THSD4: variants seen among roughly 807,000 people sequenced by gnomAD.
THSD4 encodes the protein thrombospondin type 1 domain containing 4.
THSD4 carries 69 observed loss-of-function variants against 119.0 expected under a neutral mutation model. The observed-to-expected ratio is 0.58, with a 90% CI of 0.48 to 0.71. The LOEUF (loss-of-function observed/expected upper bound fraction) is 0.71. THSD4 is among the 30% of genes least tolerant of loss of function. The pLI, the probability that THSD4 is intolerant of heterozygous loss-of-function variation, is 0.00. For missense variants in THSD4, 1,393 were observed against 1,391.1 expected (o/e 1.00, Z -0.02); for synonymous variants, 524 against 540.4 (o/e 0.97, Z 0.42).
rs989365091 is a variant in THSD4, at chr15:71,550,622, A to G, written c.1153-109908A>G. ...CGGCTAATTTTGTTTTTGTATTTTC[A>G]GTAGTGATGGGGTTTCACTGTGTTA... is the stretch of plus-strand genomic sequence containing the variant. On this transcript the variant is annotated intron_variant, in intron 7 of 17. Coordinates refer to ENST00000261862, the MANE Select transcript of THSD4 (RefSeq NM_024817.3). Among the ~76,000 whole-genome samples, 3 of 152,206 alleles carry G rather than the reference A, an allele frequency of 2.0e-5. No individual in the cohort carries two copies. In the East Asian group the frequency reaches 5.8e-4, roughly 29 times the overall value.
Position 71,481,956 on chromosome 15 carries a change from C to G in THSD4, c.1152+70133C>G, listed in dbSNP as rs536125159. On this transcript the variant is annotated intron_variant, in intron 7 of 17. Transcript: ENST00000261862. Reference sequence around the variant, plus strand: ...GGCTTTAAACACCAGAATAATTGCTCAGAGCCATAAGTGCCCTTCCCAAAG... The same window carrying G: ...GGCTTTAAACACCAGAATAATTGCTGAGAGCCATAAGTGCCCTTCCCAAAG... Among the ~76,000 whole-genome samples, 51 of 152,312 alleles carry G rather than the reference C, an allele frequency of 3.3e-4. 2 individuals carry two copies. The highest frequency in any genetic ancestry group is 1.0e-3 in the African/African-American group (42 of 41,560).
chr15:71,514,716 C>T (rs1011622191), intron 7 of THSD4, among the ~76,000 whole-genome samples: 9 of 152,068 alleles, frequency 5.9e-5, no homozygotes, highest in Admixed American at 3.9e-4. Context: ...CTTATTATCC[C>T]GTGATAATCT....
intron 7 of THSD4, among the ~76,000 whole-genome samples, chr15:71,607,137 G>T (rs72740643): frequency 5.3e-5 from 8 of 152,122 alleles, no homozygotes; most frequent in African/African-American, 1.7e-4. Context: ...CCAGAGAGCC[G>T]TTATGCCTAA....
chr15:71,442,568 C>CAAA (rs71154770), intron 7 of THSD4, among the ~76,000 whole-genome samples: 582 of 33,428 alleles, frequency 0.017, 77 homozygotes, highest in African/African-American at 0.043. Flanking sequence ...AACTCCATCT[C>CAAA]AAAAAAAAAA....
intron 7 of THSD4, among the ~76,000 whole-genome samples, chr15:71,561,999 T>C (rs1192517390): frequency 3.9e-5 from 6 of 152,088 alleles, no homozygotes; most frequent in South Asian, 2.1e-4. Context: ...GAATCATTAT[T>C]TAATAAGGAA....
chr15:71,511,129 A>G (rs1468592066), intron 7 of THSD4, among the ~76,000 whole-genome samples: 2 of 151,914 alleles, frequency 1.3e-5, no homozygotes, highest in South Asian at 2.1e-4. Context: ...GAGCCAATCA[A>G]ATGGAAAGGG....
intron 7 of THSD4, among the ~76,000 whole-genome samples, chr15:71,506,205 G>T (rs900317525): frequency 6.6e-6 from 1 of 152,132 alleles, no homozygotes; most frequent in Non-Finnish European, 1.5e-5. Context: ...TGCTGATCTA[G>T]ATCTTAGGAA....
chr15:71,112,766 C>T (rs564291291), upstream of THSD4, among the ~76,000 whole-genome samples: 2 of 152,228 alleles, frequency 1.3e-5, no homozygotes, highest in Admixed American at 6.5e-5. Flanking sequence ...CTGATTCATA[C>T]GTGACAGACA....
intron 6 of THSD4, chr15:71,348,281 G>C (rs2045694967): frequency 6.6e-6 from 1 of 152,168 alleles, no homozygotes; most frequent in South Asian, 2.1e-4. Flanking sequence ...GAAAACTGTT[G>C]TTAGAATGCA....
intron 6 of THSD4, among the ~76,000 whole-genome samples, chr15:71,374,834 T>A (rs551354737): frequency 5.9e-5 from 9 of 152,322 alleles, no homozygotes; most frequent in African/African-American, 2.2e-4. Context: ...AGATGGTGGC[T>A]TGGGCTGGGT....
At chr15:71,508,560 G>T (rs778769323) in intron 7 of THSD4, among the ~76,000 whole-genome samples, 17 of 152,166 alleles carry the variant, frequency 1.1e-4, no homozygotes, top group Non-Finnish European at 1.8e-4. Flanking sequence ...CCTGCGGCAG[G>T]GGGTGGGGTG....
chr15:71,476,851 A>C (rs954886294), intron 7 of THSD4, among the ~76,000 whole-genome samples: 1 of 152,214 alleles, frequency 6.6e-6, no homozygotes, highest in African/African-American at 2.4e-5. Flanking sequence ...TGGAACGTTT[A>C]CTTTTGGAAA....
chr15:71,522,375 C>T lies in THSD4; in HGVS notation c.1152+110552C>T, dbSNP rs184966188. 3.3e-5 allele frequency among the ~76,000 whole-genome samples: 5 copies of T among 152,146 alleles called. No homozygotes were observed. The East Asian group carries it at 9.6e-4, about 29-fold the overall frequency. On this transcript the variant is annotated intron_variant, in intron 7 of 17. Coordinates refer to ENST00000261862, the MANE Select transcript of THSD4 (RefSeq NM_024817.3). ...TGGTAGAAGCAAACTCAAAACTGTCCTTTGGGCTGCCTCCCCAGTCCAGGG... is the reference window on the plus strand; with the variant it reads ...TGGTAGAAGCAAACTCAAAACTGTCTTTTGGGCTGCCTCCCCAGTCCAGGG...
Position 71,450,401 on chromosome 15 carries a change from G to T in THSD4, c.1152+38578G>T, listed in dbSNP as rs1213531631. ...AGCTATGCCCACTCAGAGAGGGTTGGGGGAGAGTAGAACAGGAAAGAAACA... is the reference window on the plus strand; with the variant it reads ...AGCTATGCCCACTCAGAGAGGGTTGTGGGAGAGTAGAACAGGAAAGAAACA... On this transcript the variant is annotated intron_variant, in intron 7 of 17. Transcript: ENST00000261862. Among the ~76,000 whole-genome samples, 3 of 152,208 alleles carry T rather than the reference G, an allele frequency of 2.0e-5. No homozygotes were observed. In the East Asian group the frequency reaches 5.8e-4, roughly 29 times the overall value.
intron 7 of THSD4, among the ~76,000 whole-genome samples, chr15:71,412,307 G>C (rs1159398457): frequency 6.6e-6 from 1 of 152,214 alleles, no homozygotes; most frequent in Non-Finnish European, 1.5e-5. Flanking sequence ...TAAACAGGAA[G>C]TTTTCAACCT....
chr15:71,715,778 T>TG (rs1009651433), intron 8 of THSD4, among the ~76,000 whole-genome samples: 1 of 39,994 alleles, frequency 2.5e-5, no homozygotes, highest in African/African-American at 3.5e-5. Flanking sequence ...GCTCTGGGTT[T>TG]TTTTTTTTTT....
At chr15:71,301,360 T>C (rs1190202419) in intron 6 of THSD4, among the ~76,000 whole-genome samples, 7 of 152,224 alleles carry the variant, frequency 4.6e-5, no homozygotes, top group African/African-American at 1.7e-4. Context: ...TCACATGATT[T>C]TTCCGTGATT....
chr15:71,098,377 T>C (rs563613716), intron 1 of THSD4, among the ~76,000 whole-genome samples: 28 of 151,942 alleles, frequency 1.8e-4, no homozygotes, highest in African/African-American at 6.8e-4. Context: ...TTTTGTATTT[T>C]TGTAGAGATG....
At chr15:71,554,437 G>C (rs2048986668) in intron 7 of THSD4, among the ~76,000 whole-genome samples, 1 of 151,866 alleles carries the variant, frequency 6.6e-6, no homozygotes, top group Non-Finnish European at 1.5e-5. Context: ...ACCCAGGCTG[G>C]AAGTGCAGTG....
Sources: gnomAD v4.1 joint callset for allele counts (sites outside exome capture counted in the v4.1 genomes callset) on GRCh38, gnomAD v4.1.1 for gene constraint, MANE v1.5 for transcripts, NCBI Gene and HGNC (gene_info 2026-07-23, HGNC 2026-07-21) for gene names.